LHX9: variants seen among roughly 807,000 people sequenced by gnomAD.
The protein encoded by LHX9 is LIM/homeobox protein Lhx9.
LHX9 carries 9 observed loss-of-function variants against 36.5 expected under a neutral mutation model. The observed-to-expected ratio is 0.25, with a 90% CI of 0.15 to 0.43. LHX9 has a LOEUF of 0.43. Ranked by LOEUF, LHX9 falls within the 20% of genes least tolerant of loss-of-function variation. The probability of loss-of-function intolerance (pLI) is 1.00; values close to 1 mark genes in which losing one functional copy is unlikely to be tolerated. For missense variants in LHX9, 464 were observed against 526.4 expected (o/e 0.88, Z 1.16); for synonymous variants, 211 against 212.1 (o/e 0.99, Z 0.04).
In LHX9 at chr1:197,929,102, C is replaced by T; in HGVS notation, c.1037C>T (p.Pro346Leu). The part of the protein sequence containing the change: ...KADGTSLPAP[P>L]SADSGALTPP... ...GACGGCACGTCGCTTCCGGCCCCGCCCTCAGCAGACAGCGGAGCTCTCACT... is the reference window on the plus strand; with the variant it reads ...GACGGCACGTCGCTTCCGGCCCCGCTCTCAGCAGACAGCGGAGCTCTCACT... Residue 346 changes from proline (P) to leucine (L), a missense_variant, in exon 5 of 5, where the codon CCC becomes CTC. By Grantham distance (98) the Pro-to-Leu change is moderately conservative. Transcript: ENST00000367387. 5 of 1,613,750 alleles carry T rather than the reference C, an allele frequency of 3.1e-6. No homozygotes were observed. Among genetic ancestry groups the T allele is most frequent in the Non-Finnish European group, 4.2e-6 (5 of 1,179,906 alleles).
At chr1:197,918,678 A>T in intron 1 of LHX9, 1 of 367,822 alleles carries the variant, frequency 2.7e-6, no homozygotes. Flanking sequence ...CTTTATAACC[A>T]ACCCTTAAAC....
In LHX9 at chr1:197,931,540, T is replaced by A; in HGVS notation, c.*2281T>A. ...ACTAGTGTGTTCCAGCATCTATATG[T>A]AAAAGCTTTTCAAATGGTAATACAA... is the stretch of plus-strand genomic sequence containing the variant. On this transcript the variant is annotated 3_prime_UTR_variant, in exon 5 of 5. Transcript: ENST00000367387. The A allele has an allele frequency of 6.0e-6, 1 of 167,756 alleles. No homozygotes were observed. The highest frequency in any genetic ancestry group is 1.8e-4 in the South Asian group (1 of 5,602). The allele number at this position is 167,756 out of a possible 1,614,324, so 10.4% of individuals were successfully genotyped here. A position where few individuals can be genotyped will look rare whatever the true frequency, so the allele number is the denominator to read the frequency against.
At chr1:197,916,053 A>G (rs1193594266), upstream of LHX9, 1 of 152,186 alleles carries the variant, frequency 6.6e-6, no homozygotes, top group Non-Finnish European at 1.5e-5. Flanking sequence ...GTAGTGGGGA[A>G]CGCAGGCTGA....
chr1:197,914,282 C>T (rs937491), upstream of LHX9, among the ~76,000 whole-genome samples: 147,187 of 152,304 alleles, frequency 0.97, 71,324 homozygotes, highest in East Asian at 1. Flanking sequence ...TTATCCCCGA[C>T]GCAGGCTAGA....
At chr1:197,916,663 A>G (rs1157568407), upstream of LHX9, 31 of 702,808 alleles carry the variant, frequency 4.4e-5, no homozygotes, top group Non-Finnish European at 7.5e-5. Flanking sequence ...TGTTTTGCCA[A>G]AAGTAACCCT....
At chr1:197,918,238 A>T in intron 1 of LHX9, 1 of 713,750 alleles carries the variant, frequency 1.4e-6, no homozygotes. Context: ...GAGCAGGGAG[A>T]GGAACTGGGA....
In LHX9 at chr1:197,934,374, C is replaced by T. The variant is rs549194099; in HGVS notation, c.*5115C>T. The T allele has an allele frequency of 5.9e-5, 9 of 152,162 alleles. No homozygotes were observed. Among genetic ancestry groups the T allele is most frequent in the South Asian group, 2.1e-4 (1 of 4,810 alleles). 9.4% of individuals were successfully genotyped at this position (152,162 alleles called of 1,614,324 possible). A position where few individuals can be genotyped will look rare whatever the true frequency, so the allele number is the denominator to read the frequency against. On this transcript the variant is annotated 3_prime_UTR_variant, in exon 5 of 5. Coordinates refer to ENST00000367387, the MANE Select transcript of LHX9 (RefSeq NM_020204.3). ...AAGCTCTGGAATGGAAATTTGGAATCGTGTCATTCTAGGCTCTTAAAGAGA... is the reference window on the plus strand; with the variant it reads ...AAGCTCTGGAATGGAAATTTGGAATTGTGTCATTCTAGGCTCTTAAAGAGA...
intron 3 of LHX9, among the ~76,000 whole-genome samples, chr1:197,926,264 G>C (rs1286963362): frequency 6.9e-6 from 1 of 144,944 alleles, no homozygotes; most frequent in East Asian, 2.1e-4. Context: ...TCACATTAAG[G>C]GATGCCTCCC....
intron 3 of LHX9, among the ~76,000 whole-genome samples, chr1:197,926,663 G>A (rs1029919266): frequency 1.3e-5 from 2 of 152,110 alleles, no homozygotes; most frequent in African/African-American, 4.8e-5. Flanking sequence ...TCTCTGCCAG[G>A]CCAGCCAGGG....
chr1:197,922,166 TA>T (rs1660013482), intron 3 of LHX9, among the ~76,000 whole-genome samples: 1 of 152,134 alleles, frequency 6.6e-6, no homozygotes, highest in African/African-American at 2.4e-5. Context: ...TTGAAAAACC[TA>T]ATCCCTGATC....
chr1:197,912,639 G>A, upstream of LHX9: 2 of 1,414,312 alleles, frequency 1.4e-6, no homozygotes, highest in South Asian at 1.1e-5. Flanking sequence ...GTGTGCGTGT[G>A]TGTGCGCCTT....
upstream of LHX9, chr1:197,917,178 G>T (rs977532369): frequency 1.7e-4 from 150 of 861,412 alleles, no homozygotes; most frequent in Non-Finnish European, 2.0e-4. Context: ...CTGCCTCCCC[G>T]CTCTCTATCC....
intron 4 of LHX9, 39 bp downstream of exon 4, chr1:197,927,832 T>G: frequency 6.5e-7 from 1 of 1,547,360 alleles, no homozygotes; most frequent in Non-Finnish European, 8.9e-7. Context: ...TACATTTCCC[T>G]TCCCCTTCCC....
At chr1:197,923,122 C>A (rs12029707) in intron 3 of LHX9, among the ~76,000 whole-genome samples, 64,954 of 152,140 alleles carry the variant, frequency 0.43, 15,971 homozygotes, top group Non-Finnish European at 0.56. Flanking sequence ...CAGCGGGTGG[C>A]CTTGCAGGGA....
At chr1:197,925,356 C>T (rs1166957043) in intron 3 of LHX9, among the ~76,000 whole-genome samples, 1 of 151,980 alleles carries the variant, frequency 6.6e-6, no homozygotes, top group Non-Finnish European at 1.5e-5. Flanking sequence ...TATATATTAC[C>T]TTGGTGTGGA....
chr1:197,916,475 T>G, upstream of LHX9: 1 of 572,808 alleles, frequency 1.7e-6, no homozygotes, highest in South Asian at 2.2e-5. Flanking sequence ...CTCCCGGGAG[T>G]CCGCAAGTCG....
upstream of LHX9, among the ~76,000 whole-genome samples, chr1:197,915,552 G>T (rs1476546217): frequency 6.6e-6 from 1 of 152,228 alleles, no homozygotes; most frequent in Non-Finnish European, 1.5e-5. Context: ...AGGAGGAGGG[G>T]GATGTCTCCA....
At chr1:197,918,681 C>G (rs1266595348) in intron 1 of LHX9, 1 of 358,400 alleles carries the variant, frequency 2.8e-6, no homozygotes, top group Non-Finnish European at 5.1e-6. Context: ...TATAACCAAC[C>G]CTTAAACAAG....
rs1660387324 is a variant in LHX9, at chr1:197,933,749, A to G, written c.*4490A>G. 1 of 151,904 alleles carries G rather than the reference A, an allele frequency of 6.6e-6. No homozygotes were observed. Among genetic ancestry groups the G allele is most frequent in the Non-Finnish European group, 1.5e-5 (1 of 67,926 alleles). 9.4% of individuals were successfully genotyped at this position (151,904 alleles called of 1,614,324 possible). A position where few individuals can be genotyped will look rare whatever the true frequency, so the allele number is the denominator to read the frequency against. ...GGCACATTTTTTAAAACCAAAAAAA[A>G]AAAAAAAAAGAGAGAGAGAGAGAAA... On this transcript the variant is annotated 3_prime_UTR_variant, in exon 5 of 5. Coordinates refer to ENST00000367387, the MANE Select transcript of LHX9 (RefSeq NM_020204.3).
Sources: gnomAD v4.1 joint callset for allele counts (sites outside exome capture counted in the v4.1 genomes callset) on GRCh38, gnomAD v4.1.1 for gene constraint, MANE v1.5 for transcripts, NCBI Gene and HGNC (gene_info 2026-07-23, HGNC 2026-07-21) for gene names.